STXBP5L: variants seen among roughly 807,000 people sequenced by gnomAD.
STXBP5L encodes the protein syntaxin binding protein 5L.
A neutral mutation model predicts 144.5 loss-of-function variants in STXBP5L; 65 were observed. That is an observed-to-expected ratio of 0.45 (90% CI 0.37 to 0.55). The LOEUF (loss-of-function observed/expected upper bound fraction) is 0.55. STXBP5L is among the 20% of genes least tolerant of loss of function. The pLI is 0.00. For missense variants in STXBP5L, 1,298 were observed against 1,405.5 expected (o/e 0.92, Z 1.22); for synonymous variants, 505 against 469.6 (o/e 1.08, Z -0.97).
At chr3:121,061,375 G>A (rs1297999329) in intron 5 of STXBP5L, among the ~76,000 whole-genome samples, 1 of 152,148 alleles carries the variant, frequency 6.6e-6, no homozygotes, top group Non-Finnish European at 1.5e-5. Context: ...ATTTGCTGAG[G>A]AGTGTTTTAC....
At chr3:121,005,555 G>T (rs894196504) in intron 3 of STXBP5L, among the ~76,000 whole-genome samples, 3 of 152,094 alleles carry the variant, frequency 2.0e-5, no homozygotes, top group African/African-American at 4.8e-5. Flanking sequence ...ATTTCCTTCA[G>T]TTCTGCTCTG....
intron 9 of STXBP5L, among the ~76,000 whole-genome samples, chr3:121,159,146 A>T (rs931678545): frequency 3.8e-4 from 58 of 151,874 alleles, no homozygotes; most frequent in African/African-American, 1.4e-3. Context: ...CTAAAATAAA[A>T]CTTTTCTCTA....
At chr3:121,169,505 C>T (rs367667182) in intron 9 of STXBP5L, among the ~76,000 whole-genome samples, 2 of 151,996 alleles carry the variant, frequency 1.3e-5, no homozygotes, top group East Asian at 3.9e-4. Flanking sequence ...ATTTACCAAG[C>T]AAATGGAAAG....
At chr3:120,910,327 T>C (rs1708763080) in intron 2 of STXBP5L, among the ~76,000 whole-genome samples, 2 of 152,198 alleles carry the variant, frequency 1.3e-5, no homozygotes, top group Admixed American at 1.3e-4. Context: ...ATAGCGGGTG[T>C]TCTGGTTTAG....
At chr3:120,991,495 G>T (rs1942865615) in intron 3 of STXBP5L, among the ~76,000 whole-genome samples, 1 of 152,184 alleles carries the variant, frequency 6.6e-6, no homozygotes, top group South Asian at 2.1e-4. Context: ...ATACCCAAAG[G>T]ATTATAAATC....
At chr3:121,040,184 C>T (rs575979908) in intron 3 of STXBP5L, among the ~76,000 whole-genome samples, 2 of 151,894 alleles carry the variant, frequency 1.3e-5, no homozygotes, top group Non-Finnish European at 2.9e-5. Flanking sequence ...TTGAATTTTA[C>T]GTTTTTGAGT....
chr3:121,390,356 G>A (rs985163536), intron 22 of STXBP5L, among the ~76,000 whole-genome samples: 1 of 152,120 alleles, frequency 6.6e-6, no homozygotes, highest in African/African-American at 2.4e-5. Context: ...GCCAGTCTGT[G>A]TCTTTTAATT....
At chr3:121,280,058 C>G (rs9840658) in intron 19 of STXBP5L, 102 bp downstream of exon 19, 71,111 of 1,302,986 alleles carry the variant, frequency 0.055, 3,590 homozygotes, top group Admixed American at 0.23. Context: ...AAATGCATGG[C>G]AAAATAAAAT....
chr3:121,067,850 C>T (rs2041621659), intron 5 of STXBP5L, among the ~76,000 whole-genome samples: 1 of 152,108 alleles, frequency 6.6e-6, no homozygotes. Context: ...ATCTCTTTCT[C>T]TGTAGTAATA....
intron 23 of STXBP5L, among the ~76,000 whole-genome samples, chr3:121,412,727 C>CAA (rs35247157): frequency 0.13 from 9,078 of 68,650 alleles, 513 homozygotes; most frequent in African/African-American, 0.23. Flanking sequence ...TTTCTCCCTC[C>CAA]AAAAAAAAAA....
At chr3:121,031,861 T>A (rs1330707989) in intron 3 of STXBP5L, among the ~76,000 whole-genome samples, 2 of 152,060 alleles carry the variant, frequency 1.3e-5, no homozygotes, top group African/African-American at 4.8e-5. Context: ...ACTAACATAA[T>A]ATGCTGAATT....
intron 9 of STXBP5L, among the ~76,000 whole-genome samples, chr3:121,191,311 G>A (rs1336396306): frequency 6.6e-6 from 1 of 152,218 alleles, no homozygotes; most frequent in Non-Finnish European, 1.5e-5. Flanking sequence ...GCTGAGGCTG[G>A]CAGATCACTC....
intron 25 of STXBP5L, among the ~76,000 whole-genome samples, chr3:121,417,559 T>C (rs1266693893): frequency 6.6e-6 from 1 of 152,108 alleles, no homozygotes; most frequent in Admixed American, 6.6e-5. Flanking sequence ...TTCACCTCCC[T>C]GGTTCAAGAG....
At chr3:121,104,956 G>T (rs912895080) in intron 5 of STXBP5L, among the ~76,000 whole-genome samples, 4 of 152,102 alleles carry the variant, frequency 2.6e-5, no homozygotes, top group Admixed American at 2.0e-4. Context: ...AACCCACAGA[G>T]TGGGAGAAAA....
At chr3:121,290,433 A>ATTTTT (rs2051391471) in intron 19 of STXBP5L, among the ~76,000 whole-genome samples, 4 of 152,156 alleles carry the variant, frequency 2.6e-5, no homozygotes, top group Admixed American at 6.5e-5. Context: ...CAACAAAAAA[A>ATTTTT]GTCCAGGACC....
intron 5 of STXBP5L, among the ~76,000 whole-genome samples, chr3:121,095,140 T>G (rs898242684): frequency 2.0e-5 from 3 of 152,200 alleles, no homozygotes; most frequent in African/African-American, 7.2e-5. Flanking sequence ...CTTGTAGAGT[T>G]TCTGCCGAGA....
chr3:120,959,636 A>G (rs991882651), intron 3 of STXBP5L, among the ~76,000 whole-genome samples: 2 of 152,248 alleles, frequency 1.3e-5, no homozygotes, highest in African/African-American at 4.8e-5. Flanking sequence ...AATCTGACAA[A>G]AACAAGAAAG....
At chr3:120,983,167 G>A (rs1941959841) in intron 3 of STXBP5L, among the ~76,000 whole-genome samples, 1 of 152,202 alleles carries the variant, frequency 6.6e-6, no homozygotes, top group Admixed American at 6.5e-5. Context: ...GGGTGGCAGA[G>A]GCAGCAGGGA....
chr3:121,059,532 G>A (rs1262163137), intron 5 of STXBP5L, among the ~76,000 whole-genome samples: 1 of 152,104 alleles, frequency 6.6e-6, no homozygotes, highest in Non-Finnish European at 1.5e-5. Flanking sequence ...GTAGCTTGAT[G>A]GGGATAGCAT....
Sources: allele counts gnomAD v4.1 joint callset (sites outside exome capture counted in the v4.1 genomes callset), GRCh38; gene constraint gnomAD v4.1.1; transcripts MANE v1.5; gene names NCBI Gene and HGNC (gene_info 2026-07-23, HGNC 2026-07-21).